The following ABCG8 variants were observed in gnomAD, a reference collection of about 807,000 sequenced individuals.
The protein encoded by ABCG8 is ATP binding cassette subfamily G member 8, also known as ATP-binding cassette sub-family G member 8.
A neutral mutation model predicts 71.3 loss-of-function variants in ABCG8; 81 were observed. The observed-to-expected ratio is 1.14, with a 90% CI of 0.95 to 1.37. The LOEUF (loss-of-function observed/expected upper bound fraction) is 1.37, where lower values mean the gene tolerates loss of function less well. Ranked by LOEUF, ABCG8 falls within the 40% of genes most tolerant of loss-of-function variation. The pLI is 0.00. For synonymous variants in ABCG8, 451 were observed against 354.7 expected (o/e 1.27, Z -3.05); for missense variants, 1,119 against 866.2 (o/e 1.29, Z -3.66).
chr2:43,855,978 A>G (rs1669091292), intron 6 of ABCG8, among the ~76,000 whole-genome samples: 1 of 152,128 alleles, frequency 6.6e-6, no homozygotes, highest in African/African-American at 2.4e-5. Flanking sequence ...ATCTATCTGG[A>G]TAGAATTCTT....
chr2:43,848,371 G>T (rs965196855), intron 3 of ABCG8: 1 of 152,142 alleles, frequency 6.6e-6, no homozygotes, highest in African/African-American at 2.4e-5. Flanking sequence ...CAGGTGTTGG[G>T]TATGGACAGG....
At chr2:43,841,331 A>T (rs1458598983) in intron 1 of ABCG8, among the ~76,000 whole-genome samples, 1 of 152,204 alleles carries the variant, frequency 6.6e-6, no homozygotes, top group Non-Finnish European at 1.5e-5. Context: ...CTGGTTACCT[A>T]CAAATAAACC....
intron 6 of ABCG8, among the ~76,000 whole-genome samples, chr2:43,861,890 A>G (rs759400050): frequency 4.1e-4 from 62 of 150,468 alleles, no homozygotes; most frequent in East Asian, 2.0e-4. Context: ...AAATCTCACT[A>G]TCTATCTGGA....
intron 10 of ABCG8, among the ~76,000 whole-genome samples, chr2:43,874,699 A>G (rs1572867035): frequency 6.6e-6 from 1 of 152,152 alleles, no homozygotes; most frequent in African/African-American, 2.4e-5. Flanking sequence ...TGGACCAGGA[A>G]TGATAGTTTT....
chr2:43,839,261 A>C, intron 1 of ABCG8, 145 bp downstream of exon 1: 1 of 910,414 alleles, frequency 1.1e-6, no homozygotes, highest in South Asian at 1.6e-5. Context: ...TGTTTCCTGC[A>C]TGTCAAAGGG....
chr2:43,874,513 C>CCCA (rs1553383816), intron 10 of ABCG8, 30 bp downstream of exon 10: 4 of 1,564,014 alleles, frequency 2.6e-6, no homozygotes, highest in Non-Finnish European at 3.5e-6. Context: ...AGCAAGTGCC[C>CCCA]CCCACCCACC....
rs1572871864 is a variant in ABCG8 at position 43,877,990 on chromosome 2, C to G, written c.*77C>G. 1 of 1,604,606 alleles carries G rather than the reference C, an allele frequency of 6.2e-7. No homozygotes were observed. The highest frequency in any genetic ancestry group is 8.5e-7 in the Non-Finnish European group (1 of 1,174,314). ...TGCACTCCCTCCTCAGGAGCCCCTT[C>G]CTGGGGACAGTGAGGACAATGACCC... On this transcript the variant is annotated 3_prime_UTR_variant, in exon 13 of 13. Coordinates refer to ENST00000272286, the MANE Select transcript of ABCG8 (RefSeq NM_022437.3).
chr2:43,860,386 C>T (rs377137014), intron 6 of ABCG8, among the ~76,000 whole-genome samples: 5 of 148,174 alleles, frequency 3.4e-5, no homozygotes, highest in Non-Finnish European at 5.9e-5. Flanking sequence ...ATAAAAGTCT[C>T]ACTCTCTGTT....
At chr2:43,852,289 G>T in intron 4 of ABCG8, 65 bp from the exon 5 acceptor site, 1 of 1,609,868 alleles carries the variant, frequency 6.2e-7, no homozygotes. Context: ...TATCCTTGGG[G>T]TCACAATGTG....
chr2:43,877,313 T>C (rs1481042870), intron 11 of ABCG8, among the ~76,000 whole-genome samples: 2 of 149,782 alleles, frequency 1.3e-5, no homozygotes, highest in Non-Finnish European at 3.0e-5. Context: ...TGTGTGAATA[T>C]GGGGGAGACC....
intron 6 of ABCG8, among the ~76,000 whole-genome samples, chr2:43,860,466 T>C (rs933078463): frequency 2.6e-5 from 4 of 151,428 alleles, no homozygotes; most frequent in Non-Finnish European, 5.9e-5. Context: ...TGGATAGAAC[T>C]CTCACTATCT....
At chr2:43,849,038 A>C (rs961342953) in intron 3 of ABCG8, among the ~76,000 whole-genome samples, 4 of 151,572 alleles carry the variant, frequency 2.6e-5, no homozygotes, top group African/African-American at 9.7e-5. Context: ...AAAAAAAAAA[A>C]AAAAAAAAGG....
chr2:43,861,831 G>T (rs1374337462), intron 6 of ABCG8, among the ~76,000 whole-genome samples: 1 of 150,646 alleles, frequency 6.6e-6, no homozygotes, highest in Non-Finnish European at 1.5e-5. Context: ...TCACTCTCTG[G>T]GTAGAACTCT....
intron 6 of ABCG8, among the ~76,000 whole-genome samples, chr2:43,869,847 A>G (rs184483640): frequency 1.3e-5 from 2 of 152,216 alleles, no homozygotes; most frequent in African/African-American, 2.4e-5. Context: ...ATCTGTCTGG[A>G]TGGAACTCTC....
rs1432718955 is a variant in ABCG8, at chr2:43,877,971, C to G, written c.*58C>G. 10 of 1,612,144 alleles carry G rather than the reference C, an allele frequency of 6.2e-6. No homozygotes were observed. Among genetic ancestry groups the G allele is most frequent in the Non-Finnish European group, 8.5e-6 (10 of 1,179,266 alleles). On this transcript the variant is annotated 3_prime_UTR_variant, in exon 13 of 13. Coordinates refer to ENST00000272286, the MANE Select transcript of ABCG8 (RefSeq NM_022437.3). ...CCTGAGCAGACCCTTCAACTGCACT[C>G]CCTCCTCAGGAGCCCCTTCCTGGGG...
At chr2:43,872,384 A>C in intron 8 of ABCG8, 78 bp downstream of exon 8, 2 of 1,467,410 alleles carry the variant, frequency 1.4e-6, no homozygotes, top group East Asian at 2.5e-5. Context: ...CTTTCTATTA[A>C]AGTGAATTTA....
At chr2:43,864,140 T>C (rs72796799) in intron 6 of ABCG8, among the ~76,000 whole-genome samples, 7,894 of 150,112 alleles carry the variant, frequency 0.053, 247 homozygotes, top group Middle Eastern at 0.12. Flanking sequence ...CTGGATAGAA[T>C]TCTTACTGTG....
chr2:43,855,430 A>T (rs551100985), intron 6 of ABCG8, among the ~76,000 whole-genome samples: 19 of 152,060 alleles, frequency 1.2e-4, no homozygotes, highest in African/African-American at 4.3e-4. Context: ...ATCTATCTGG[A>T]TGGAATTCTC....
At chr2:43,870,412 T>C (rs1309042274) in intron 6 of ABCG8, among the ~76,000 whole-genome samples, 1 of 152,028 alleles carries the variant, frequency 6.6e-6, no homozygotes, top group Non-Finnish European at 1.5e-5. Context: ...TGGATATAAC[T>C]CTCACTATCT....
Sources: allele counts gnomAD v4.1 joint callset (sites outside exome capture counted in the v4.1 genomes callset), GRCh38; gene constraint gnomAD v4.1.1; transcripts MANE v1.5; gene names NCBI Gene and HGNC (gene_info 2026-07-23, HGNC 2026-07-21).